The following KHDRBS2 variants were observed in gnomAD, a reference collection of about 807,000 sequenced individuals.
KHDRBS2 encodes KH RNA binding domain containing, signal transduction associated 2.
A neutral mutation model predicts 44.3 loss-of-function variants in KHDRBS2; 26 were observed. The observed-to-expected ratio is 0.59, with a 90% confidence interval of 0.43 to 0.81. The LOEUF (loss-of-function observed/expected upper bound fraction) is 0.81. KHDRBS2 is among the 40% of genes least tolerant of loss of function. KHDRBS2 has a pLI of 0.00. For missense variants in KHDRBS2, 476 were observed against 433.1 expected (o/e 1.10, Z -0.88); for synonymous variants, 194 against 151.1 (o/e 1.28, Z -2.08).
chr6:61,788,110 C>T (rs1031126831), intron 6 of KHDRBS2, among the ~76,000 whole-genome samples: 1 of 151,512 alleles, frequency 6.6e-6, no homozygotes, highest in African/African-American at 2.4e-5. Flanking sequence ...TTTCTATTTA[C>T]AAATACGGAC....
intron 4 of KHDRBS2, among the ~76,000 whole-genome samples, chr6:61,914,516 G>C (rs978097994): frequency 6.6e-6 from 1 of 150,402 alleles, no homozygotes; most frequent in Non-Finnish European, 1.5e-5. Context: ...TTGTGGGGTA[G>C]GGGGAGGGGG....
chr6:62,205,018 A>G (rs1827702583), intron 1 of KHDRBS2, among the ~76,000 whole-genome samples: 1 of 152,162 alleles, frequency 6.6e-6, no homozygotes, highest in Non-Finnish European at 1.5e-5. Flanking sequence ...AATATAACGA[A>G]GATCATATCT....
intron 6 of KHDRBS2, among the ~76,000 whole-genome samples, chr6:61,744,969 T>C (rs554001335): frequency 2.6e-5 from 4 of 152,296 alleles, no homozygotes; most frequent in South Asian, 4.1e-4. Context: ...TGAACATTAA[T>C]TTCAATAGTT....
rs200129091 is a variant in KHDRBS2 at position 61,683,583 on chromosome 6, T to TA, written c.953-2524dup. Among the ~76,000 whole-genome samples the TA allele has an allele frequency of 2.2e-3, 338 of 152,010 alleles. 4 individuals carry two copies. The highest frequency in any genetic ancestry group is 0.017 in the Admixed American group (260 of 15,216). On this transcript the variant is annotated intron_variant, in intron 8 of 8. Transcript: ENST00000281156. ...GAGCTAAAGAAATTTAACATTTATT[T>TA]AAAAAACTCTTTAATTAGAAATCTT...
the KHDRBS2 span, among the ~76,000 whole-genome samples, chr6:61,629,794 G>T: frequency 1.3e-5 from 2 of 152,210 alleles, no homozygotes; most frequent in East Asian, 3.8e-4. Context: ...TGAAAATAAA[G>T]ATGAAGTGAA....
chr6:61,591,005 C>T, the KHDRBS2 span, among the ~76,000 whole-genome samples: 2 of 152,260 alleles, frequency 1.3e-5, no homozygotes, highest in South Asian at 2.1e-4. Flanking sequence ...CAGAGTAGAA[C>T]ACTCAAAGAG....
At position 61,957,543 on chromosome 6, in the gene KHDRBS2, C is replaced by T. The variant is rs370294985; in HGVS notation, c.483+20523G>A. Among the ~76,000 whole-genome samples the T allele has an allele frequency of 1.2e-4, 18 of 152,168 alleles. 1 individual carries two copies. The highest frequency in any genetic ancestry group is 2.2e-4 in the African/African-American group (9 of 41,518). On this transcript the variant is annotated intron_variant, in intron 4 of 8. Transcript: ENST00000281156. ...GTCTTTTACGGTCATAGCTGTGGGA[C>T]GAAATAAGCCCCGGTCTCCCGTAGT... is the stretch of plus-strand genomic sequence containing the variant.
intron 7 of KHDRBS2, among the ~76,000 whole-genome samples, chr6:61,704,360 T>C (rs1769148709): frequency 6.6e-6 from 1 of 151,816 alleles, no homozygotes; most frequent in South Asian, 2.1e-4. Context: ...CTTTTTGTTG[T>C]TGTTGTTTTT....
intron 4 of KHDRBS2, among the ~76,000 whole-genome samples, chr6:61,905,775 A>G (rs1804868860): frequency 6.6e-6 from 1 of 152,036 alleles, no homozygotes. Context: ...TCCTGATTAG[A>G]CAATCAAAAC....
At chr6:61,833,936 G>T (rs1040701752) in intron 6 of KHDRBS2, among the ~76,000 whole-genome samples, 1 of 151,998 alleles carries the variant, frequency 6.6e-6, no homozygotes, top group Non-Finnish European at 1.5e-5. Flanking sequence ...TGCCACAAGT[G>T]TTTCTATGCA....
At chr6:61,869,972 T>TGTTTGTTTGTTTG (rs1798402185) in intron 6 of KHDRBS2, among the ~76,000 whole-genome samples, 1 of 27,252 alleles carries the variant, frequency 3.7e-5, no homozygotes, top group South Asian at 2.0e-3. Context: ...GTGTTTTTTT[T>TGTTTGTTTGTTTG]TTTTTTTTTT....
intron 2 of KHDRBS2, among the ~76,000 whole-genome samples, chr6:62,109,290 A>G (rs1562884239): frequency 6.6e-6 from 1 of 151,994 alleles, no homozygotes; most frequent in Non-Finnish European, 1.5e-5. Context: ...AATATCCAAT[A>G]TCCATTCCTA....
chr6:61,599,604 C>A, the KHDRBS2 span, among the ~76,000 whole-genome samples: 1,402 of 152,276 alleles, frequency 9.2e-3, 15 homozygotes, highest in Non-Finnish European at 0.015. Context: ...GGTTGGCAGT[C>A]ATAGAACCAT....
chr6:62,138,699 T>C (rs925569016), intron 2 of KHDRBS2, among the ~76,000 whole-genome samples: 2 of 152,224 alleles, frequency 1.3e-5, no homozygotes, highest in Non-Finnish European at 2.9e-5. Flanking sequence ...AAACTGACTA[T>C]GAACTAGAAT....
At chr6:61,834,553 T>C (rs1474045529) in intron 6 of KHDRBS2, among the ~76,000 whole-genome samples, 2 of 152,032 alleles carry the variant, frequency 1.3e-5, no homozygotes, top group Non-Finnish European at 2.9e-5. Flanking sequence ...GCATCTATTG[T>C]GTTTGCATTT....
intron 8 of KHDRBS2, among the ~76,000 whole-genome samples, chr6:61,682,934 C>A (rs1002003561): frequency 1.4e-4 from 22 of 151,824 alleles, no homozygotes; most frequent in African/African-American, 4.3e-4. Flanking sequence ...ATTTACACCA[C>A]GTTTATGAGA....
In KHDRBS2 at chr6:61,949,352, T is replaced by C. The variant is rs116473931; in HGVS notation, c.483+28714A>G. On this transcript the variant is annotated intron_variant, in intron 4 of 8. Transcript: ENST00000281156. ...GTCATGGTGACTAATACTTCTATAC[T>C]TGTTTTATTACATGTTGCATGCTTT... Among the ~76,000 whole-genome samples, 639 of 152,224 alleles carry C rather than the reference T, an allele frequency of 4.2e-3. 5 individuals are homozygous for C. Among genetic ancestry groups the C allele is most frequent in the African/African-American group, 0.015 (613 of 41,556 alleles).
At chr6:62,092,770 T>C (rs1799721196) in intron 2 of KHDRBS2, among the ~76,000 whole-genome samples, 1 of 152,136 alleles carries the variant, frequency 6.6e-6, no homozygotes, top group South Asian at 2.1e-4. Context: ...ATCACTTAAT[T>C]TTCATTACAG....
At chr6:62,215,759 T>A (rs1829878581) in intron 1 of KHDRBS2, among the ~76,000 whole-genome samples, 1 of 151,788 alleles carries the variant, frequency 6.6e-6, no homozygotes, top group Admixed American at 6.6e-5. Flanking sequence ...CAATCTTTAA[T>A]AAATCATAGA....
Sources: gnomAD v4.1 joint callset for allele counts (sites outside exome capture counted in the v4.1 genomes callset) on GRCh38, gnomAD v4.1.1 for gene constraint, MANE v1.5 for transcripts, NCBI Gene and HGNC (gene_info 2026-07-23, HGNC 2026-07-21) for gene names.